TEKT1: variants seen among roughly 807,000 people sequenced by gnomAD.
TEKT1 encodes tektin 1, also known as tektin-1.
In TEKT1, 32 loss-of-function variants were observed where a neutral mutation model predicts 34.8. The observed-to-expected ratio is 0.92, with a 90% CI of 0.69 to 1.23. The LOEUF is 1.23. Among genes scored for constraint, TEKT1 ranks in the 50% most tolerant of loss-of-function variants. The pLI is 0.00. For synonymous variants in TEKT1, 207 were observed against 199.8 expected (o/e 1.04, Z -0.30); for missense variants, 492 against 518.5 (o/e 0.95, Z 0.50).
chr17:6,826,561 C>T (rs74433155), intron 2 of TEKT1, among the ~76,000 whole-genome samples: 9,432 of 151,898 alleles, frequency 0.062, 827 homozygotes, highest in African/African-American at 0.19. Context: ...ATATATTCTC[C>T]CATAAGTGTC....
At chr17:6,824,299 T>TGATTACCTCCA (rs112988854) in intron 2 of TEKT1, among the ~76,000 whole-genome samples, 99,074 of 151,536 alleles carry the variant, frequency 0.65, 33,471 homozygotes, top group African/African-American at 0.84. Context: ...CATCTTTATG[T>TGATTACCTCCA]GATTTCTGGC....
chr17:6,815,197 T>G lies in TEKT1; in HGVS notation c.595A>C (p.Arg199=). 1.9e-6 allele frequency: 3 copies of G among 1,614,076 alleles called. No homozygotes were observed. Among genetic ancestry groups the G allele is most frequent in the Non-Finnish European group, 2.5e-6 (3 of 1,179,986 alleles). Residue 199 remains arginine, a synonymous_variant, in exon 5 of 8, where the codon AGA becomes CGA. Transcript: ENST00000338694. ...ATCCTCACGGCGTTCTCAGAATATCTGATGTTTGGTGAGTTGTTGTTGAGC... is the reference window on the plus strand; with the variant it reads ...ATCCTCACGGCGTTCTCAGAATATCGGATGTTTGGTGAGTTGTTGTTGAGC... ...FSLNNNSPNI[R]YSENAVRIEP... is the part of the protein sequence containing the mutation.
intron 2 of TEKT1, among the ~76,000 whole-genome samples, chr17:6,827,789 CAAAA>C (rs1904451967): frequency 6.6e-6 from 1 of 152,044 alleles, no homozygotes; most frequent in Non-Finnish European, 1.5e-5. Context: ...TTTTTCAGTG[CAAAA>C]CACTTGCACA....
intron 6 of TEKT1, among the ~76,000 whole-genome samples, chr17:6,802,192 G>A (rs1976783274): frequency 6.6e-6 from 1 of 152,128 alleles, no homozygotes; most frequent in Non-Finnish European, 1.5e-5. Context: ...ACATCCCAAT[G>A]AGGTCCAGAA....
chr17:6,803,872 A>G (rs955359364), intron 6 of TEKT1, among the ~76,000 whole-genome samples: 1 of 152,074 alleles, frequency 6.6e-6, no homozygotes, highest in Non-Finnish European at 1.5e-5. Flanking sequence ...GCCTTGTAGT[A>G]TAGTTTGAAG....
At chr17:6,831,270 G>A (rs1246191625) in intron 1 of TEKT1, among the ~76,000 whole-genome samples, 1 of 152,138 alleles carries the variant, frequency 6.6e-6, no homozygotes, top group East Asian at 1.9e-4. Flanking sequence ...CTCAGACAGG[G>A]CTGAAATCTG....
chr17:6,825,753 G>A (rs1397088041), intron 2 of TEKT1, among the ~76,000 whole-genome samples: 2 of 152,068 alleles, frequency 1.3e-5, no homozygotes, highest in South Asian at 2.1e-4. Context: ...ATTGTACTCA[G>A]CATCTTACTA....
chr17:6,802,427 CT>C (rs563081279), intron 6 of TEKT1, among the ~76,000 whole-genome samples: 8,403 of 145,182 alleles, frequency 0.058, 310 homozygotes, highest in Non-Finnish European at 0.082. Flanking sequence ...TTTGAATTAT[CT>C]TTTTTTTTTG....
intron 7 of TEKT1, 81 bp from the exon 8 acceptor site, chr17:6,800,315 C>A: frequency 7.6e-7 from 1 of 1,311,292 alleles, no homozygotes; most frequent in Non-Finnish European, 1.1e-6. Context: ...CCCCAGTGTT[C>A]AGTGCAGGAG....
chr17:6,802,745 T>A (rs1295385531), intron 6 of TEKT1, among the ~76,000 whole-genome samples: 1 of 152,026 alleles, frequency 6.6e-6, no homozygotes, highest in Non-Finnish European at 1.5e-5. Context: ...TGGTTTTTTG[T>A]CTTTGCGATA....
In TEKT1 at chr17:6,813,038, T is replaced by C; in HGVS notation, c.645A>G (p.Glu215=). 1 of 1,613,748 alleles carries C rather than the reference T, an allele frequency of 6.2e-7. No homozygotes were observed. Among genetic ancestry groups the C allele is most frequent in the Non-Finnish European group, 8.5e-7 (1 of 1,179,838 alleles). ...VRIEPNSVSL[E]DWLDFSSTNV... Reference sequence around the variant, plus strand: ...TGGTGCTGGAGAAGTCCAACCAGTCTTCCAGACTCACGGAGCTGAAACAGA... The same window carrying C: ...TGGTGCTGGAGAAGTCCAACCAGTCCTCCAGACTCACGGAGCTGAAACAGA... The change falls in exon 6 of 8, where the codon GAA becomes GAG. Residue 215 remains glutamate, a synonymous_variant. Transcript: ENST00000338694.
Position 6,820,681 on chromosome 17 carries a change from C to T in TEKT1, c.191-1323G>A, listed in dbSNP as rs551120104. Among the ~76,000 whole-genome samples the T allele has an allele frequency of 2.6e-5, 4 of 152,260 alleles. No individual in the cohort carries two copies. In the South Asian group the frequency reaches 8.3e-4, roughly 32 times the overall value. ...TGTCTCTCCTAGAGCATCTTCTCCT[C>T]CTGCTGGATGAGTTGCTCTCTAGTT... On this transcript the variant is annotated intron_variant, in intron 2 of 7. Transcript: ENST00000338694.
At chr17:6,803,645 A>G (rs1313967871) in intron 6 of TEKT1, among the ~76,000 whole-genome samples, 2 of 152,124 alleles carry the variant, frequency 1.3e-5, no homozygotes, top group South Asian at 2.1e-4. Context: ...TATAAGGTGT[A>G]AGGAAGGGAT....
chr17:6,808,547 T>G (rs994740913), intron 6 of TEKT1, among the ~76,000 whole-genome samples: 9 of 152,214 alleles, frequency 5.9e-5, no homozygotes, highest in Non-Finnish European at 1.3e-4. Flanking sequence ...ATCACCCATC[T>G]TCTGCGTCGC....
At chr17:6,806,484 T>C (rs1257405328) in intron 6 of TEKT1, among the ~76,000 whole-genome samples, 1 of 152,194 alleles carries the variant, frequency 6.6e-6, no homozygotes, top group East Asian at 1.9e-4. Context: ...GTTAATATTG[T>C]TATGTGTGAA....
At chr17:6,828,582 A>T (rs1904476013) in intron 2 of TEKT1, among the ~76,000 whole-genome samples, 1 of 152,100 alleles carries the variant, frequency 6.6e-6, no homozygotes, top group Non-Finnish European at 1.5e-5. Context: ...AATGGGTTGA[A>T]ACTGAGTAGC....
Position 6,811,561 on chromosome 17 carries a change from G to A in TEKT1, c.852+1270C>T, listed in dbSNP as rs138328636. On this transcript the variant is annotated intron_variant, in intron 6 of 7. Coordinates refer to ENST00000338694, the MANE Select transcript of TEKT1 (RefSeq NM_053285.2). This position sits in a 1 kb window ranked among gnomAD's most constrained non-coding sequence, Gnocchi z 4.4. Reference sequence around the variant, plus strand: ...TTTCCACTAGGCTCGTCTACCTCTCGGTTTGCTGAATATTGCAGTTTCACC... The same window carrying A: ...TTTCCACTAGGCTCGTCTACCTCTCAGTTTGCTGAATATTGCAGTTTCACC... 3.2e-4 allele frequency among the ~76,000 whole-genome samples: 49 copies of A among 152,100 alleles called. No individual in the cohort carries two copies. The East Asian group carries it at 8.7e-3, about 27-fold the overall frequency.
Position 6,800,220 on chromosome 17 carries a change from A to G in TEKT1, c.1064T>C (p.Leu355Ser). 8 of 1,613,782 alleles carry G rather than the reference A, an allele frequency of 5.0e-6. No homozygotes were observed. The highest frequency in any genetic ancestry group is 2.2e-5 in the South Asian group (2 of 91,012). ...THNVARLKETLAQAQAELKGL... is the reference protein window; with the variant it reads ...THNVARLKETSAQAQAELKGL... ...TTTCAGCTCTGCCTGAGCTTGGGCT[A>G]AAGTTTCCTTCAATCTAGGAGAAAG... The change falls in exon 8 of 8, where the codon TTA becomes TCA. Residue 355 changes from leucine to serine, a missense_variant. Physicochemically the swap from Leu to Ser is moderately radical, Grantham distance 145 (BLOSUM62 -2). Coordinates refer to ENST00000338694, the MANE Select transcript of TEKT1 (RefSeq NM_053285.2).
Position 6,800,124 on chromosome 17 carries a change from T to C in TEKT1, c.1160A>G (p.Glu387Gly). The C allele has an allele frequency of 6.2e-7, 1 of 1,614,148 alleles. No homozygotes were observed. The highest frequency in any genetic ancestry group is 2.2e-5 in the East Asian group (1 of 44,884). ...TTTCCTCATCTGCATACACAGCACT[T>C]CGTCGATATAAATGGTGTTCTCTTT... Reference protein sequence around the residue: ...QVKENTIYIDEVLCMQMRKSI... With the variant: ...QVKENTIYIDGVLCMQMRKSI... The change falls in exon 8 of 8, where the codon GAA (glutamate) becomes GGA (glycine). Residue 387 changes from glutamate to glycine, a missense_variant. Transcript: ENST00000338694.
Sources: gnomAD v4.1 joint callset for allele counts (sites outside exome capture counted in the v4.1 genomes callset) on GRCh38, gnomAD v4.1.1 for gene constraint, Gnocchi (gnomAD v3.1) non-coding constraint, MANE v1.5 for transcripts, NCBI Gene and HGNC (gene_info 2026-07-23, HGNC 2026-07-21) for gene names.